Variants in UBOX5 observed in about 807,000 individuals in gnomAD.
The protein encoded by UBOX5 is U-box domain containing 5.
Under a neutral mutation model 39.0 loss-of-function variants are expected in UBOX5, and 28 were observed. The observed-to-expected ratio is 0.72, with a 90% CI of 0.53 to 0.98. The LOEUF (loss-of-function observed/expected upper bound fraction) is 0.98. Ranked by LOEUF, UBOX5 falls within the 50% of genes least tolerant of loss-of-function variation. UBOX5 has a pLI of 0.00. For synonymous variants in UBOX5, 283 were observed against 275.5 expected (o/e 1.03, Z -0.27); for missense variants, 585 against 674.4 (o/e 0.87, Z 1.47).
chr20:3,157,518 T>C (rs2066698687), intron 1 of UBOX5, among the ~76,000 whole-genome samples: 1 of 152,250 alleles, frequency 6.6e-6, no homozygotes, highest in East Asian at 1.9e-4. Flanking sequence ...GCTATTCCTC[T>C]ATCAGAATGG....
chr20:3,110,359 T>A (rs1159799034), intron 4 of UBOX5, 45 bp from the exon 5 acceptor site: 8 of 1,608,070 alleles, frequency 5.0e-6, no homozygotes, highest in Non-Finnish European at 6.8e-6. Flanking sequence ...GGAAAGCTGC[T>A]CCATGGTCCA....
chr20:3,138,255 C>A (rs147990066), intron 1 of UBOX5, among the ~76,000 whole-genome samples: 1 of 141,662 alleles, frequency 7.1e-6, no homozygotes, highest in African/African-American at 2.6e-5. Flanking sequence ...CCAGCCTGGG[C>A]GACAGAGGGA....
At chr20:3,112,487 A>C (rs1176485553) in intron 4 of UBOX5, among the ~76,000 whole-genome samples, 1 of 152,040 alleles carries the variant, frequency 6.6e-6, no homozygotes, top group Non-Finnish European at 1.5e-5. Context: ...GGCAGGATGG[A>C]AACCCAAGTA....
At chr20:3,143,349 G>A (rs572546152) in intron 1 of UBOX5, among the ~76,000 whole-genome samples, 54 of 152,050 alleles carry the variant, frequency 3.6e-4, no homozygotes, top group Admixed American at 1.5e-3. Context: ...TGGTCTGCCC[G>A]CCTCAGCTTC....
At position 3,108,785 on chromosome 20, in the gene UBOX5, T is replaced by C. The variant is rs1365899193; in HGVS notation, c.*1321A>G. On this transcript the variant is annotated 3_prime_UTR_variant, in exon 5 of 5. Transcript: ENST00000217173. ...TTGTCTCTACAAAAAATAAAAAAAT[T>C]AGCTGGGCATGGTGGCACATGCCTA... The C allele has an allele frequency of 6.6e-6, 1 of 151,724 alleles. No individual in the cohort carries two copies. The highest frequency in any genetic ancestry group is 1.5e-5 in the Non-Finnish European group (1 of 67,968). 9.4% of individuals were successfully genotyped at this position (151,724 alleles called of 1,614,324 possible).
rs984395695 is a variant in UBOX5, at chr20:3,149,844, C to G, written c.-42+9922G>C. ...ACCAGCCTGGCCAACAAGGCGAAAT[C>G]CCGTCTCTATTAAAAATACAAAAAA... On this transcript the variant is annotated intron_variant, in intron 1 of 4. Transcript: ENST00000217173. The surrounding 1 kb of genome is among the most constrained non-coding windows in gnomAD (Gnocchi z 4.1). Among the ~76,000 whole-genome samples the G allele has an allele frequency of 1.3e-5, 2 of 152,034 alleles. No individual in the cohort carries two copies. Among genetic ancestry groups the G allele is most frequent in the Non-Finnish European group, 2.9e-5 (2 of 68,000 alleles).
At chr20:3,133,023 A>G (rs1373094788) in intron 1 of UBOX5, among the ~76,000 whole-genome samples, 1 of 152,072 alleles carries the variant, frequency 6.6e-6, no homozygotes, top group African/African-American at 2.4e-5. Context: ...ATTGAAAACA[A>G]CTCAGGACTG....
At chr20:3,151,034 A>G (rs1044444142) in intron 1 of UBOX5, among the ~76,000 whole-genome samples, 1 of 152,052 alleles carries the variant, frequency 6.6e-6, no homozygotes, top group Non-Finnish European at 1.5e-5. Flanking sequence ...GGTGCACACC[A>G]CCAAACCCAG....
chr20:3,131,482 ATTG>A (rs1240474706), intron 1 of UBOX5, among the ~76,000 whole-genome samples: 2 of 152,132 alleles, frequency 1.3e-5, no homozygotes, highest in African/African-American at 4.8e-5. Context: ...GTTGTAGCAT[ATTG>A]TTCTTTAAAT....
chr20:3,148,950 G>T, intron 1 of UBOX5: 1 of 1,614,208 alleles, frequency 6.2e-7, no homozygotes, highest in Non-Finnish European at 8.5e-7. Context: ...GGAGGGTCCT[G>T]TCCCCCATGC....
chr20:3,113,546 G>A (rs888313655), intron 4 of UBOX5, among the ~76,000 whole-genome samples: 1 of 152,134 alleles, frequency 6.6e-6, no homozygotes, highest in Middle Eastern at 3.2e-3. Flanking sequence ...TACCAGCAGG[G>A]GCTACTGCAG....
chr20:3,113,237 G>A (rs1296795437), intron 4 of UBOX5, among the ~76,000 whole-genome samples: 5 of 149,212 alleles, frequency 3.4e-5, no homozygotes, highest in South Asian at 2.1e-4. Flanking sequence ...GCAGTGAGCC[G>A]AGATTGCGCC....
rs780517941 is a variant in UBOX5, at chr20:3,149,020, G to T, written c.-42+10746C>A. 3 of 1,613,876 alleles carry T rather than the reference G, an allele frequency of 1.9e-6. No individual in the cohort carries two copies. The South Asian group carries it at 3.3e-5, about 18-fold the overall frequency. On this transcript the variant is annotated intron_variant, in intron 1 of 4. Transcript: ENST00000217173. This position sits in a 1 kb window ranked among gnomAD's most constrained non-coding sequence, Gnocchi z 4.1. ...GGACTGCACCAAAGGCAGAAGGACT[G>T]CAAAATGCTCGGTATCTTACAAGTT...
chr20:3,154,378 C>A (rs1410441882), intron 1 of UBOX5, among the ~76,000 whole-genome samples: 3 of 152,154 alleles, frequency 2.0e-5, no homozygotes, highest in Middle Eastern at 3.2e-3. Context: ...AAAAGTTATA[C>A]AAGATAGAAT....
chr20:3,110,147 G>A lies in UBOX5; in HGVS notation c.1585C>T (p.Arg529Trp), dbSNP rs1467216052. The A allele has an allele frequency of 6.2e-6, 10 of 1,612,854 alleles. No individual in the cohort carries two copies. Among genetic ancestry groups the A allele is most frequent in the East Asian group, 4.5e-5 (2 of 44,892 alleles). The change falls in exon 5 of 5, where the codon CGG (arginine) becomes TGG (tryptophan). Residue 529 changes from arginine to tryptophan, a missense_variant. Arg to Trp is a moderately radical substitution (Grantham distance 101). Coordinates refer to ENST00000217173, the MANE Select transcript of UBOX5 (RefSeq NM_014948.4). ...SLPMTCTACQ[R>W]PVASQDVLRV... Reference sequence around the variant, plus strand: ...AGCACGTCTTGGCTAGCAACCGGCCGCTGGCAGGCTGTGCACGTCATGGGC... The same window carrying A: ...AGCACGTCTTGGCTAGCAACCGGCCACTGGCAGGCTGTGCACGTCATGGGC...
At chr20:3,158,367 T>C (rs886912629) in intron 1 of UBOX5, among the ~76,000 whole-genome samples, 1 of 152,146 alleles carries the variant, frequency 6.6e-6, no homozygotes, top group Non-Finnish European at 1.5e-5. Context: ...GGGAAGAAAA[T>C]CATACTGACT....
At chr20:3,143,741 C>T (rs935473959) in intron 1 of UBOX5, among the ~76,000 whole-genome samples, 21 of 152,030 alleles carry the variant, frequency 1.4e-4, no homozygotes, top group Non-Finnish European at 2.9e-4. Context: ...TGCAGTGAGT[C>T]GAGATCGCAC....
intron 1 of UBOX5, chr20:3,147,493 T>C: frequency 6.2e-7 from 1 of 1,614,242 alleles, no homozygotes; most frequent in South Asian, 1.1e-5. Flanking sequence ...CTCTGTAATC[T>C]GGACACTCAA....
At chr20:3,146,052 A>C (rs1001899360) in intron 1 of UBOX5, among the ~76,000 whole-genome samples, 16 of 151,494 alleles carry the variant, frequency 1.1e-4, no homozygotes, top group Admixed American at 2.6e-4. Flanking sequence ...TCTCAAAAAA[A>C]AAAAAAAGGC....
Sources: gnomAD v4.1 joint callset for allele counts (sites outside exome capture counted in the v4.1 genomes callset) on GRCh38, gnomAD v4.1.1 for gene constraint, Gnocchi (gnomAD v3.1) non-coding constraint, MANE v1.5 for transcripts, NCBI Gene and HGNC (gene_info 2026-07-23, HGNC 2026-07-21) for gene names.